CLYBL: variants seen among roughly 807,000 people sequenced by gnomAD.
CLYBL encodes the protein citramalyl-CoA lyase.
In CLYBL, 31 loss-of-function variants were observed where a neutral mutation model predicts 38.9. That is an observed-to-expected ratio of 0.80 (90% CI 0.60 to 1.08). CLYBL has a LOEUF of 1.08. Ranked by LOEUF, CLYBL falls within the 50% of genes least tolerant of loss-of-function variation. The probability of loss-of-function intolerance (pLI) is 0.00; values close to 1 mark genes in which losing one functional copy is unlikely to be tolerated. For missense variants in CLYBL, 434 were observed against 411.6 expected, an observed-to-expected ratio of 1.05 and a Z score of -0.47; for synonymous variants, 171 against 158.6, an observed-to-expected ratio of 1.08 and a Z score of -0.59.
At chr13:99,622,622 A>G (rs1199545069) in intron 1 of CLYBL, among the ~76,000 whole-genome samples, 1 of 152,138 alleles carries the variant, frequency 6.6e-6, no homozygotes, top group African/African-American at 2.4e-5. Context: ...ATATTGTGCA[A>G]CCATCACCTC....
intron 1 of CLYBL, among the ~76,000 whole-genome samples, chr13:99,643,475 A>G (rs2047126118): frequency 6.6e-6 from 1 of 152,216 alleles, no homozygotes; most frequent in Non-Finnish European, 1.5e-5. Context: ...GCCTGAAACC[A>G]AGGGGCATAT....
chr13:99,841,754 C>A (rs1349399231), intron 2 of CLYBL, among the ~76,000 whole-genome samples: 3 of 151,980 alleles, frequency 2.0e-5, no homozygotes, highest in Non-Finnish European at 4.4e-5. Flanking sequence ...TAAATAAGAC[C>A]CAAAGAAACA....
At chr13:99,770,001 T>A (rs2138778020) in intron 1 of CLYBL, among the ~76,000 whole-genome samples, 1 of 152,334 alleles carries the variant, frequency 6.6e-6, no homozygotes, top group Admixed American at 6.5e-5. Flanking sequence ...ATATATTTTT[T>A]AAGATCATGC....
intron 1 of CLYBL, among the ~76,000 whole-genome samples, chr13:99,645,009 CCTTCCT>C (rs770932565): frequency 6.6e-6 from 1 of 152,164 alleles, no homozygotes; most frequent in Non-Finnish European, 1.5e-5. Context: ...CAATACACTG[CCTTCCT>C]TTCTTTTGGG....
chr13:99,609,033 C>T (rs1000599784), intron 1 of CLYBL, among the ~76,000 whole-genome samples: 1 of 151,178 alleles, frequency 6.6e-6, no homozygotes. Flanking sequence ...AAAGTCTACT[C>T]TCTTATCTCT....
chr13:99,748,479 G>A (rs1385783318), intron 1 of CLYBL, among the ~76,000 whole-genome samples: 9 of 113,642 alleles, frequency 7.9e-5, no homozygotes, highest in East Asian at 2.7e-4. Flanking sequence ...TCACTCTGTC[G>A]CCCAGGTTGG....
intron 2 of CLYBL, among the ~76,000 whole-genome samples, chr13:99,804,514 T>G (rs2050194156): frequency 6.6e-6 from 1 of 152,124 alleles, no homozygotes; most frequent in Admixed American, 6.6e-5. Context: ...ATCCTATACA[T>G]GAAGACAGAG....
chr13:99,652,709 C>G (rs1458805942), intron 1 of CLYBL, among the ~76,000 whole-genome samples: 1 of 152,190 alleles, frequency 6.6e-6, no homozygotes, highest in African/African-American at 2.4e-5. Context: ...ACCCAAATGG[C>G]AAGTGGTGTC....
chr13:99,866,200 A>G, intron 5 of CLYBL, 40 bp from the exon 6 acceptor site: 1 of 1,600,566 alleles, frequency 6.2e-7, no homozygotes, highest in Non-Finnish European at 8.5e-7. Context: ...GCGGTTTCCA[A>G]AGTTAAAGCC....
chr13:99,760,801 T>G (rs1250710722), intron 1 of CLYBL, among the ~76,000 whole-genome samples: 1 of 152,228 alleles, frequency 6.6e-6, no homozygotes, highest in Non-Finnish European at 1.5e-5. Flanking sequence ...TCATATAATT[T>G]GTAAAGATCA....
At chr13:99,880,768 G>A (rs1011661352) in intron 7 of CLYBL, among the ~76,000 whole-genome samples, 4 of 152,256 alleles carry the variant, frequency 2.6e-5, no homozygotes, top group Non-Finnish European at 5.9e-5. Flanking sequence ...GAACACAAGA[G>A]GCCTCCCTTC....
At chr13:99,695,570 A>G (rs1265731684) in intron 1 of CLYBL, among the ~76,000 whole-genome samples, 1 of 151,750 alleles carries the variant, frequency 6.6e-6, no homozygotes, top group South Asian at 2.1e-4. Context: ...CCCAGGCTGG[A>G]GTGCAGTGGC....
At chr13:99,737,206 C>T (rs993332873) in intron 1 of CLYBL, among the ~76,000 whole-genome samples, 1 of 147,576 alleles carries the variant, frequency 6.8e-6, no homozygotes, top group Admixed American at 6.8e-5. Context: ...CTCCCCGGTC[C>T]CCCTGTAAGT....
chr13:99,847,844 C>T (rs2051242588), intron 2 of CLYBL, among the ~76,000 whole-genome samples: 1 of 152,206 alleles, frequency 6.6e-6, no homozygotes, highest in East Asian at 1.9e-4. Flanking sequence ...CTCAACTGAG[C>T]TGTGAGTCAT....
intron 1 of CLYBL, among the ~76,000 whole-genome samples, chr13:99,706,713 G>A (rs1001977425): frequency 6.6e-6 from 1 of 152,226 alleles, no homozygotes; most frequent in African/African-American, 2.4e-5. Flanking sequence ...CAGCACTGGA[G>A]TGCATCTCTG....
At chr13:99,725,682 C>T (rs1594140444) in intron 1 of CLYBL, among the ~76,000 whole-genome samples, 1 of 152,108 alleles carries the variant, frequency 6.6e-6, no homozygotes, top group Non-Finnish European at 1.5e-5. Flanking sequence ...GGAAAATGTA[C>T]GTAATGTTTA....
intron 2 of CLYBL, among the ~76,000 whole-genome samples, chr13:99,831,995 T>G (rs2050814114): frequency 6.6e-6 from 1 of 152,230 alleles, no homozygotes; most frequent in African/African-American, 2.4e-5. Context: ...CAATAGATCT[T>G]TTGATAACTG....
chr13:99,746,295 AT>A, intron 1 of CLYBL, among the ~76,000 whole-genome samples: 1 of 151,904 alleles, frequency 6.6e-6, no homozygotes, highest in Non-Finnish European at 1.5e-5. Flanking sequence ...TTTAGTTCAC[AT>A]TTGCTCAGTT....
At chr13:99,643,788 A>G (rs1177587500) in intron 1 of CLYBL, among the ~76,000 whole-genome samples, 1 of 152,036 alleles carries the variant, frequency 6.6e-6, no homozygotes, top group Non-Finnish European at 1.5e-5. Context: ...CAGGTGGAGC[A>G]TGAGGTCAGG....
Sources: gnomAD v4.1 joint callset for allele counts (sites outside exome capture counted in the v4.1 genomes callset) on GRCh38, gnomAD v4.1.1 for gene constraint, MANE v1.5 for transcripts, NCBI Gene and HGNC (gene_info 2026-07-23, HGNC 2026-07-21) for gene names.